The following SARDH variants were observed in gnomAD, a reference collection of about 807,000 sequenced individuals.
SARDH encodes the protein sarcosine dehydrogenase, also known as sarcosine dehydrogenase, mitochondrial.
A neutral mutation model predicts 109.1 loss-of-function variants in SARDH; 95 were observed. The ratio of observed to expected loss-of-function variants is 0.87; its 90% confidence interval spans 0.74 to 1.03. The LOEUF is 1.03. Ranked by LOEUF, SARDH falls within the 50% of genes least tolerant of loss-of-function variation. The pLI is 0.00. For synonymous variants in SARDH, 572 were observed against 534.8 expected (o/e 1.07, Z -0.96); for missense variants, 1,267 against 1,287.8 (o/e 0.98, Z 0.25).
chr9:133,690,590 G>A (rs1831056653), intron 15 of SARDH, 63 bp from the exon 16 acceptor site: 3 of 1,556,932 alleles, frequency 1.9e-6, no homozygotes, highest in Middle Eastern at 1.7e-4. Context: ...GGACAGAGAG[G>A]GTGGCCCAAG....
At chr9:133,703,889 C>A (rs536231821) in intron 12 of SARDH, among the ~76,000 whole-genome samples, 27 of 152,326 alleles carry the variant, frequency 1.8e-4, no homozygotes, top group African/African-American at 6.5e-4. Flanking sequence ...TGCAGCCCTG[C>A]CAAGGTGTCC....
rs1831955823 is a variant in SARDH at position 133,712,432 on chromosome 9, C to T, written c.1328+187G>A. On this transcript the variant is annotated intron_variant, in intron 10 of 20. Transcript: ENST00000439388. This position sits in a 1 kb window ranked among gnomAD's most constrained non-coding sequence, Gnocchi z 4.1. ...CTTCAAAGCTGTAAAGGGGCGTGGA[C>T]CTGCCCCCCAGCCACCCCCTCAGCA... Among the ~76,000 whole-genome samples the T allele has an allele frequency of 2.0e-5, 3 of 152,056 alleles. No individual in the cohort carries two copies.
At chr9:133,703,907 C>T (rs1286000565) in intron 12 of SARDH, among the ~76,000 whole-genome samples, 2 of 152,124 alleles carry the variant, frequency 1.3e-5, no homozygotes, top group Non-Finnish European at 2.9e-5. Flanking sequence ...TCCTGGACAC[C>T]CAGGCTGGCT....
chr9:133,707,020 C>T (rs768412503), intron 11 of SARDH, among the ~76,000 whole-genome samples: 5 of 152,190 alleles, frequency 3.3e-5, no homozygotes, highest in Non-Finnish European at 1.5e-5. Flanking sequence ...ATCCCATGGG[C>T]CACCTTTCTA....
At chr9:133,736,096 C>T (rs548656735) in intron 1 of SARDH, among the ~76,000 whole-genome samples, 126 of 151,636 alleles carry the variant, frequency 8.3e-4, no homozygotes, top group African/African-American at 2.8e-3. Context: ...CAAACATGTA[C>T]AGCTACCGCA....
Position 133,692,787 on chromosome 9 carries a change from C to T in SARDH, c.1921+1471G>A, listed in dbSNP as rs1465404012. Among the ~76,000 whole-genome samples the T allele has an allele frequency of 6.6e-6, 1 of 152,138 alleles. No individual in the cohort carries two copies. Among genetic ancestry groups the T allele is most frequent in the East Asian group, 1.9e-4 (1 of 5,178 alleles). ...ACTGTTGAGGGAACGAGCGAAGGAA[C>T]GAGCTCATGGATCCATGAGGCACGA... is the stretch of plus-strand genomic sequence containing the variant. On this transcript the variant is annotated intron_variant, in intron 15 of 20. Transcript: ENST00000439388. The surrounding 1 kb of genome is among the most constrained non-coding windows in gnomAD (Gnocchi z 5.0).
At chr9:133,722,487 C>T (rs771764664) in intron 6 of SARDH, among the ~76,000 whole-genome samples, 7 of 152,142 alleles carry the variant, frequency 4.6e-5, no homozygotes, top group Non-Finnish European at 1.0e-4. Flanking sequence ...TTCTACCCAA[C>T]ATTACATTGG....
At position 133,718,978 on chromosome 9, in the gene SARDH, G is replaced by A. The variant is rs922710450; in HGVS notation, c.980C>T (p.Ser327Phe). ...GGGGTTGGCCTCATAGCCACCCACA[G>A]ACAAGGCATCCCCTTGGAGGCGGAG... is the stretch of plus-strand genomic sequence containing the variant. ...VYLRLQGDAL[S>F]VGGYEANPIF... The change falls in exon 7 of 21, where the codon TCT becomes TTT. Residue 327 changes from serine (S) to phenylalanine (F), a missense_variant. By Grantham distance (155) the Ser-to-Phe change is radical. Transcript: ENST00000439388. This position sits in a 1 kb window ranked among gnomAD's most constrained non-coding sequence, Gnocchi z 4.2. The A allele has an allele frequency of 6.2e-7, 1 of 1,614,150 alleles. No individual in the cohort carries two copies.
At chr9:133,681,580 A>G (rs129948) in intron 17 of SARDH, among the ~76,000 whole-genome samples, 71,733 of 152,042 alleles carry the variant, frequency 0.47, 19,089 homozygotes, top group African/African-American at 0.74. Context: ...TGGGACCCCA[A>G]TCCAGCACCC....
At chr9:133,688,985 C>A (rs1830991675) in intron 16 of SARDH, among the ~76,000 whole-genome samples, 1 of 152,200 alleles carries the variant, frequency 6.6e-6, no homozygotes, top group South Asian at 2.1e-4. Context: ...CAGCTCGGTC[C>A]CTTGCAGCCT....
In SARDH at chr9:133,728,079, T is replaced by G. The variant is rs1832555035; in HGVS notation, c.915+1686A>C. ...CAGGGAGGAGGCCTCAGCACTCAGC[T>G]CCGACACCCACCGTGTGACTACTCT... On this transcript the variant is annotated intron_variant, in intron 6 of 20. Coordinates refer to ENST00000439388, the MANE Select transcript of SARDH (RefSeq NM_001134707.2). The surrounding 1 kb of genome is among the most constrained non-coding windows in gnomAD (Gnocchi z 5.0). Among the ~76,000 whole-genome samples the G allele has an allele frequency of 6.6e-6, 1 of 151,996 alleles. No individual in the cohort carries two copies.
Position 133,734,179 on chromosome 9 carries a change from C to T in SARDH, c.-6G>A, listed in dbSNP as rs1484713704. Reference sequence around the variant, plus strand: ...GCTCGGCTCAGTGAGGCCATGGGGGCTCCAGGCCTCAGCGAAACAGGGAGC... The same window carrying T: ...GCTCGGCTCAGTGAGGCCATGGGGGTTCCAGGCCTCAGCGAAACAGGGAGC... On this transcript the variant is annotated 5_prime_UTR_variant, in exon 2 of 21. Coordinates refer to ENST00000439388, the MANE Select transcript of SARDH (RefSeq NM_001134707.2). 6.4e-7 allele frequency: 1 copy of T among 1,565,160 alleles called. No homozygotes were observed. The highest frequency in any genetic ancestry group is 8.6e-7 in the Non-Finnish European group (1 of 1,156,084).
rs1832555891 is a variant in SARDH, at chr9:133,728,097, A to G, written c.915+1668T>C. Among the ~76,000 whole-genome samples the G allele has an allele frequency of 6.6e-6, 1 of 152,142 alleles. No individual in the cohort carries two copies. Among genetic ancestry groups the G allele is most frequent in the Non-Finnish European group, 1.5e-5 (1 of 68,012 alleles). On this transcript the variant is annotated intron_variant, in intron 6 of 20. Transcript: ENST00000439388. This position sits in a 1 kb window ranked among gnomAD's most constrained non-coding sequence, Gnocchi z 5.0. ...ACTCAGCTCCGACACCCACCGTGTG[A>G]CTACTCTTAGTCCCTAACCCGGCAC...
At chr9:133,735,234 G>A (rs1003716404) in intron 1 of SARDH, among the ~76,000 whole-genome samples, 1 of 152,302 alleles carries the variant, frequency 6.6e-6, no homozygotes, top group East Asian at 1.9e-4. Flanking sequence ...GGACTAAGGC[G>A]GAAGCTGATG....
intron 17 of SARDH, among the ~76,000 whole-genome samples, chr9:133,675,127 T>C (rs1049832146): frequency 6.6e-6 from 1 of 152,264 alleles, no homozygotes; most frequent in African/African-American, 2.4e-5. Context: ...GAGGACCATC[T>C]GAGGTCAGGA....
rs376630324 is a variant in SARDH at position 133,689,459 on chromosome 9, A to C, written c.2069+921T>G. Among the ~76,000 whole-genome samples the C allele has an allele frequency of 9.2e-5, 14 of 152,130 alleles. 3 individuals are homozygous for C. The highest frequency in any genetic ancestry group is 5.8e-4 in the East Asian group (3 of 5,138). On this transcript the variant is annotated intron_variant, in intron 16 of 20. Transcript: ENST00000439388. ...GGCCTAGACTAGGCCGTTTTCTCAC[A>C]GAGGATTTTTAACTCTTGAAAAAGG... is the stretch of plus-strand genomic sequence containing the variant.
chr9:133,668,190 C>G (rs1446171032), intron 19 of SARDH, among the ~76,000 whole-genome samples: 3 of 151,704 alleles, frequency 2.0e-5, no homozygotes, highest in Non-Finnish European at 4.4e-5. Context: ...ATTCAGGGAG[C>G]TGGACAGGCT....
At position 133,670,697 on chromosome 9, in the gene SARDH, G is replaced by A. The variant is rs2131331629; in HGVS notation, c.2382C>T (p.Gly794=). The A allele has an allele frequency of 1.2e-6, 2 of 1,607,574 alleles. No individual in the cohort carries two copies. Among genetic ancestry groups the A allele is most frequent in the Non-Finnish European group, 1.7e-6 (2 of 1,177,798 alleles). Residue 794 remains glycine, a synonymous_variant, in exon 19 of 21, where the codon GGC becomes GGT. Transcript: ENST00000439388. ...LRPDDSPLEA[G]LAFTCKLKSP... ...ACTTGAGCTTGCAGGTGAAGGCCAG[G>A]CCTGCCTCCAGGGGGCTGTCGTCTG...
At chr9:133,687,426 G>A (rs907030888) in intron 16 of SARDH, among the ~76,000 whole-genome samples, 1 of 152,138 alleles carries the variant, frequency 6.6e-6, no homozygotes, top group Non-Finnish European at 1.5e-5. Context: ...GTGCACCACC[G>A]TGCTGAGCTA....
Sources: allele counts gnomAD v4.1 joint callset (sites outside exome capture counted in the v4.1 genomes callset), GRCh38; gene constraint gnomAD v4.1.1; non-coding constraint Gnocchi (gnomAD v3.1); transcripts MANE v1.5; gene names NCBI Gene and HGNC (gene_info 2026-07-23, HGNC 2026-07-21).